Variants in KCNMB2 observed in about 807,000 individuals in gnomAD.
KCNMB2 encodes the protein potassium calcium-activated channel subfamily M regulatory beta subunit 2, also known as calcium-activated potassium channel subunit beta-2.
KCNMB2 carries 9 observed loss-of-function variants against 24.5 expected under a neutral mutation model. The observed-to-expected ratio is 0.37, with a 90% CI of 0.22 to 0.64. The LOEUF (loss-of-function observed/expected upper bound fraction) is 0.64, where lower values mean the gene tolerates loss of function less well. Ranked by LOEUF, KCNMB2 falls within the 30% of genes least tolerant of loss-of-function variation. The probability of loss-of-function intolerance (pLI) is 0.63; values close to 1 mark genes in which losing one functional copy is unlikely to be tolerated. For synonymous variants in KCNMB2, 109 were observed against 104.4 expected (o/e 1.04, Z -0.27); for missense variants, 226 against 284.3 (o/e 0.79, Z 1.47).
chr3:178,803,478 A>G (rs1196219223), intron 1 of KCNMB2, among the ~76,000 whole-genome samples: 1 of 152,218 alleles, frequency 6.6e-6, no homozygotes, highest in African/African-American at 2.4e-5. Flanking sequence ...GTCACAGTGC[A>G]TGAGGCCAAA....
intron 1 of KCNMB2, among the ~76,000 whole-genome samples, chr3:178,606,043 C>G (rs1718259980): frequency 6.6e-6 from 1 of 152,082 alleles, no homozygotes; most frequent in Non-Finnish European, 1.5e-5. Flanking sequence ...ATTTAATCAG[C>G]CACCCCAGAA....
intron 1 of KCNMB2, among the ~76,000 whole-genome samples, chr3:178,550,702 T>C (rs985802930): frequency 2.6e-5 from 4 of 152,034 alleles, no homozygotes; most frequent in Admixed American, 6.6e-5. Context: ...TTAGCAGGGT[T>C]CCAATCTCTT....
At chr3:178,564,372 C>T (rs1380305118) in intron 1 of KCNMB2, among the ~76,000 whole-genome samples, 3 of 152,076 alleles carry the variant, frequency 2.0e-5, no homozygotes, top group Non-Finnish European at 4.4e-5. Flanking sequence ...AGAACAAACT[C>T]TGACTGAGAC....
chr3:178,548,892 A>G (rs763288063), intron 1 of KCNMB2, among the ~76,000 whole-genome samples: 2 of 152,236 alleles, frequency 1.3e-5, no homozygotes, highest in Admixed American at 6.5e-5. Flanking sequence ...AAAGTTGACC[A>G]GAGTTCAAAA....
chr3:178,664,023 A>G lies in KCNMB2; in HGVS notation c.-68+127312A>G, dbSNP rs145879536. Among the ~76,000 whole-genome samples the G allele has an allele frequency of 5.0e-3, 764 of 152,234 alleles. 3 individuals carry two copies. Among genetic ancestry groups the G allele is most frequent in the Non-Finnish European group, 7.8e-3 (533 of 67,992 alleles). ...CATCTAGAGGGGAGGGAAAAGAAAG[A>G]GTCGGGGTGTTCAAGGGTTACTGTT... On this transcript the variant is annotated intron_variant, in intron 1 of 4. Transcript: ENST00000452583.
intron 1 of KCNMB2, among the ~76,000 whole-genome samples, chr3:178,581,399 A>T (rs949308810): frequency 3.3e-5 from 5 of 152,216 alleles, no homozygotes; most frequent in African/African-American, 1.2e-4. Flanking sequence ...CATAAGACCT[A>T]AAACCATAAA....
At chr3:178,713,550 T>C (rs1015484798) in intron 1 of KCNMB2, among the ~76,000 whole-genome samples, 1 of 152,182 alleles carries the variant, frequency 6.6e-6, no homozygotes, top group African/African-American at 2.4e-5. Context: ...AACTACTCTG[T>C]CCAAAGTTCC....
chr3:178,734,422 C>T (rs537110180), intron 1 of KCNMB2, among the ~76,000 whole-genome samples: 1 of 152,212 alleles, frequency 6.6e-6, no homozygotes, highest in South Asian at 2.1e-4. Context: ...ATAAAAACAC[C>T]ATTAAGTGCA....
chr3:178,614,488 C>T (rs1718634331), intron 1 of KCNMB2, among the ~76,000 whole-genome samples: 1 of 150,934 alleles, frequency 6.6e-6, no homozygotes, highest in Non-Finnish European at 1.5e-5. Flanking sequence ...CTTTATAAAA[C>T]CATCATATCT....
chr3:178,807,189 G>A, intron 1 of KCNMB2, 154 bp from the exon 2 acceptor site: 2 of 454,170 alleles, frequency 4.4e-6, no homozygotes, highest in Admixed American at 3.9e-5. Context: ...AGAGGACCAG[G>A]CTCTAGTGTT....
At chr3:178,589,442 T>G (rs1179866025) in intron 1 of KCNMB2, among the ~76,000 whole-genome samples, 1 of 152,200 alleles carries the variant, frequency 6.6e-6, no homozygotes, top group East Asian at 1.9e-4. Context: ...GTTTTGGTTT[T>G]TTCCTTGGGG....
intron 2 of KCNMB2, among the ~76,000 whole-genome samples, chr3:178,820,024 C>T (rs761606403): frequency 3.3e-5 from 5 of 151,428 alleles, no homozygotes; most frequent in African/African-American, 4.9e-5. Context: ...TGAATGTATC[C>T]GTAAGAAAAA....
At chr3:178,592,254 G>A (rs931893120) in intron 1 of KCNMB2, among the ~76,000 whole-genome samples, 1 of 152,112 alleles carries the variant, frequency 6.6e-6, no homozygotes, top group Admixed American at 6.6e-5. Flanking sequence ...CTCAAACAAA[G>A]CATTCCTGAA....
In KCNMB2 at chr3:178,750,217, C is replaced by CAAA. The variant is rs34836983; in HGVS notation, c.-67-57116_-67-57114dup. Among the ~76,000 whole-genome samples the CAAA allele has an allele frequency of 2.6e-4, 36 of 141,088 alleles. No individual in the cohort carries two copies. In the East Asian group the frequency reaches 3.1e-3, roughly 12 times the overall value. The allele number at this position is 141,088 out of a possible 152,430, so 92.6% of individuals were successfully genotyped here. ...TGATCTTATTAGTCAATAACTTTGG[C>CAAA]AAAAAAAAAAAATTAGAAAATAGGG... On this transcript the variant is annotated intron_variant, in intron 1 of 4. Transcript: ENST00000452583.
intron 1 of KCNMB2, among the ~76,000 whole-genome samples, chr3:178,738,708 T>A (rs1723395830): frequency 6.6e-6 from 1 of 152,158 alleles, no homozygotes; most frequent in African/African-American, 2.4e-5. Context: ...GTAGATTCCT[T>A]CCTACACCCT....
intron 1 of KCNMB2, among the ~76,000 whole-genome samples, chr3:178,684,894 T>A (rs1721408216): frequency 6.6e-6 from 1 of 152,214 alleles, no homozygotes; most frequent in Non-Finnish European, 1.5e-5. Flanking sequence ...TATCTCCATA[T>A]ATTCCATAAC....
chr3:178,757,349 G>GATATAT (rs768743661), intron 1 of KCNMB2, among the ~76,000 whole-genome samples: 3 of 19,622 alleles, frequency 1.5e-4, no homozygotes, highest in African/African-American at 2.0e-4. Context: ...TATCCAAGAG[G>GATATAT]ATATATATAT....
chr3:178,817,834 T>C (rs1271529301), intron 2 of KCNMB2, among the ~76,000 whole-genome samples: 2 of 152,188 alleles, frequency 1.3e-5, no homozygotes, highest in Admixed American at 6.5e-5. Flanking sequence ...TCACAACCTA[T>C]GCTTGTTGTA....
intron 1 of KCNMB2, among the ~76,000 whole-genome samples, chr3:178,762,032 G>A (rs925396861): frequency 1.3e-5 from 2 of 152,004 alleles, no homozygotes; most frequent in Non-Finnish European, 2.9e-5. Flanking sequence ...TTAACCAGGC[G>A]TCGTAGCGGG....
Sources: allele counts gnomAD v4.1 joint callset (sites outside exome capture counted in the v4.1 genomes callset), GRCh38; gene constraint gnomAD v4.1.1; transcripts MANE v1.5; gene names NCBI Gene and HGNC (gene_info 2026-07-23, HGNC 2026-07-21).